The following MYO5B variants were observed in gnomAD, a reference collection of about 807,000 sequenced individuals.
MYO5B encodes myosin VB.
A neutral mutation model predicts 229.3 loss-of-function variants in MYO5B; 143 were observed. The ratio of observed to expected loss-of-function variants is 0.62; its 90% confidence interval spans 0.54 to 0.72. The LOEUF (loss-of-function observed/expected upper bound fraction) is 0.72. Among genes scored for constraint, MYO5B ranks in the 30% least tolerant of loss-of-function variants. MYO5B has a pLI of 0.00. For missense variants in MYO5B, 2,321 were observed against 2,331.0 expected, an observed-to-expected ratio of 1.00 and a Z score of 0.09; for synonymous variants, 918 against 885.2, an observed-to-expected ratio of 1.04 and a Z score of -0.66.
At chr18:50,026,455 T>C (rs2026332532) in intron 4 of MYO5B, among the ~76,000 whole-genome samples, 1 of 152,258 alleles carries the variant, frequency 6.6e-6, no homozygotes, top group African/African-American at 2.4e-5. Flanking sequence ...TAGTTTATGC[T>C]GTATTTCCTC....
chr18:50,005,398 G>T (rs556037930), intron 4 of MYO5B, among the ~76,000 whole-genome samples: 2 of 152,108 alleles, frequency 1.3e-5, no homozygotes, highest in Non-Finnish European at 2.9e-5. Context: ...CTGCAAGATT[G>T]TGAGATGACC....
Position 50,036,895 on chromosome 18 carries a change from G to A in MYO5B, c.410C>T (p.Pro137Leu), listed in dbSNP as rs764674526. ...TTCTTCTGCCACAGCAAAGATGTGG[G>A]GGTCCATGTCTCCCATGTTTTGGCC... is the stretch of plus-strand genomic sequence containing the variant. ...YSGQNMGDMD[P>L]HIFAVAEEAY... The change falls in exon 4 of 40, where the codon CCC becomes CTC. Residue 137 changes from proline (P) to leucine (L), a missense_variant. Transcript: ENST00000285039. 6.2e-7 allele frequency: 1 copy of A among 1,614,082 alleles called. No homozygotes were observed. The highest frequency in any genetic ancestry group is 2.2e-5 in the East Asian group (1 of 44,878).
chr18:50,171,563 A>G (rs2032920545), intron 1 of MYO5B, among the ~76,000 whole-genome samples: 1 of 128,422 alleles, frequency 7.8e-6, no homozygotes, highest in Non-Finnish European at 1.7e-5. Flanking sequence ...CAAGGCAATA[A>G]TTAAATGATA....
At chr18:49,982,346 C>T (rs2025825017) in intron 8 of MYO5B, among the ~76,000 whole-genome samples, 1 of 152,230 alleles carries the variant, frequency 6.6e-6, no homozygotes, top group Admixed American at 6.5e-5. Context: ...GCATGAGCCA[C>T]TGTACCTGGC....
At position 50,183,726 on chromosome 18, in the gene MYO5B, TC is replaced by T. The variant is rs1395905879; in HGVS notation, c.27+11040del. Among the ~76,000 whole-genome samples the T allele has an allele frequency of 6.2e-5, 8 of 129,536 alleles. No individual in the cohort carries two copies. In the East Asian group the frequency reaches 1.9e-3, roughly 31 times the overall value. 85.0% of individuals were successfully genotyped at this position (129,536 alleles called of 152,430 possible). Reference sequence around the variant, plus strand: ...CCTCAAAGCTCATGTTGAAATTTGATCCCCAATGTGGCGGGGGTGGGAGGCG... The same window carrying T: ...CCTCAAAGCTCATGTTGAAATTTGATCCCAATGTGGCGGGGGTGGGAGGCG... On this transcript the variant is annotated intron_variant, in intron 1 of 39. Transcript: ENST00000285039.
chr18:49,939,802 A>G (rs2025293788), intron 14 of MYO5B, among the ~76,000 whole-genome samples: 1 of 152,228 alleles, frequency 6.6e-6, no homozygotes, highest in Non-Finnish European at 1.5e-5. Flanking sequence ...AGAAATATAA[A>G]AGGGCTTCAG....
intron 1 of MYO5B, among the ~76,000 whole-genome samples, chr18:50,059,895 G>A (rs1568090535): frequency 6.6e-6 from 1 of 152,284 alleles, no homozygotes; most frequent in Admixed American, 6.5e-5. Context: ...CATTGCTTCT[G>A]TAATCAAGTA....
chr18:49,830,030 C>A (rs1296803959), intron 39 of MYO5B, among the ~76,000 whole-genome samples: 1 of 152,124 alleles, frequency 6.6e-6, no homozygotes, highest in Admixed American at 6.6e-5. Context: ...CTTACCACTT[C>A]TATTCAGTAT....
chr18:49,990,371 G>A (rs943082475), intron 7 of MYO5B, 68 bp downstream of exon 7: 5 of 1,337,260 alleles, frequency 3.7e-6, no homozygotes, highest in South Asian at 3.5e-5. Context: ...TTTGAGCAGA[G>A]CCCCCAGCTG....
intron 5 of MYO5B, among the ~76,000 whole-genome samples, chr18:49,995,570 G>A (rs1489995501): frequency 6.6e-6 from 1 of 152,100 alleles, no homozygotes; most frequent in Admixed American, 6.5e-5. Context: ...AAAGCAGGGA[G>A]AAGCCTCTCA....
chr18:50,074,906 T>G (rs993477066), intron 1 of MYO5B, among the ~76,000 whole-genome samples: 2 of 152,084 alleles, frequency 1.3e-5, no homozygotes, highest in Admixed American at 6.5e-5. Context: ...CTGCAGCCTC[T>G]GCCTCCCAGG....
At chr18:50,111,678 T>C (rs1291242926) in intron 1 of MYO5B, among the ~76,000 whole-genome samples, 1 of 152,266 alleles carries the variant, frequency 6.6e-6, no homozygotes, top group African/African-American at 2.4e-5. Context: ...TTATAACCAG[T>C]AGTTATTAAG....
chr18:49,984,900 C>T (rs1392723474), intron 7 of MYO5B, 75 bp from the exon 8 acceptor site: 2 of 1,075,696 alleles, frequency 1.9e-6, no homozygotes, highest in East Asian at 4.8e-5. Flanking sequence ...CATGAAAATT[C>T]TACTCCGTTA....
chr18:49,847,332 C>A, intron 32 of MYO5B, 43 bp from the exon 33 acceptor site: 1 of 1,602,408 alleles, frequency 6.2e-7, no homozygotes, highest in Non-Finnish European at 8.5e-7. Context: ...AGACTTCCAG[C>A]TGCAGGCCTG....
At chr18:50,080,640 G>A (rs1356407709) in intron 1 of MYO5B, among the ~76,000 whole-genome samples, 1 of 152,100 alleles carries the variant, frequency 6.6e-6, no homozygotes, top group East Asian at 1.9e-4. Context: ...AACAGGAAGG[G>A]GGACAAACTG....
chr18:50,112,088 C>CAAAA (rs1466307498), intron 1 of MYO5B, among the ~76,000 whole-genome samples: 1 of 152,118 alleles, frequency 6.6e-6, no homozygotes, highest in Non-Finnish European at 1.5e-5. Context: ...CCCAAGTGGG[C>CAAAA]AAAGGAAGAG....
At chr18:50,086,598 T>C (rs2031335008) in intron 1 of MYO5B, among the ~76,000 whole-genome samples, 1 of 152,226 alleles carries the variant, frequency 6.6e-6, no homozygotes, top group South Asian at 2.1e-4. Context: ...TACCATACAC[T>C]GTGCAGGCAC....
At chr18:49,967,164 G>A (rs963559017) in intron 10 of MYO5B, among the ~76,000 whole-genome samples, 7 of 152,120 alleles carry the variant, frequency 4.6e-5, no homozygotes, top group African/African-American at 1.7e-4. Flanking sequence ...GTCTCTCGAT[G>A]GCACAATGAT....
intron 4 of MYO5B, among the ~76,000 whole-genome samples, chr18:50,024,299 C>T (rs1304731627): frequency 2.0e-5 from 3 of 152,158 alleles, no homozygotes; most frequent in African/African-American, 7.2e-5. Context: ...TTAACATTCT[C>T]AGGAACACAA....
Sources: gnomAD v4.1 joint callset for allele counts (sites outside exome capture counted in the v4.1 genomes callset) on GRCh38, gnomAD v4.1.1 for gene constraint, MANE v1.5 for transcripts, NCBI Gene and HGNC (gene_info 2026-07-23, HGNC 2026-07-21) for gene names.